Variants in ERC2 observed in about 807,000 individuals in gnomAD.
ERC2 encodes ELKS/RAB6-interacting/CAST family member 2.
A neutral mutation model predicts 114.8 loss-of-function variants in ERC2; 42 were observed. The observed-to-expected ratio is 0.37, with a 90% CI of 0.29 to 0.47. ERC2 has a LOEUF of 0.47. Among genes scored for constraint, ERC2 ranks in the 20% least tolerant of loss-of-function variants. The pLI, the probability that ERC2 is intolerant of heterozygous loss-of-function variation, is 0.99. For missense variants in ERC2, 939 were observed against 1,150.7 expected (o/e 0.82, Z 2.66); for synonymous variants, 454 against 425.5 (o/e 1.07, Z -0.82).
chr3:56,267,736 G>C (rs2053413189), intron 3 of ERC2, among the ~76,000 whole-genome samples: 1 of 152,034 alleles, frequency 6.6e-6, no homozygotes, highest in African/African-American at 2.4e-5. Context: ...CCGAGATCTT[G>C]CCACTGCACT....
chr3:55,900,665 G>A (rs2064083515), intron 13 of ERC2, among the ~76,000 whole-genome samples: 1 of 152,136 alleles, frequency 6.6e-6, no homozygotes, highest in Admixed American at 6.6e-5. Context: ...TGAACAATAG[G>A]GAGTGGCTTC....
intron 5 of ERC2, among the ~76,000 whole-genome samples, chr3:56,146,196 A>T (rs933918622): frequency 2.0e-5 from 3 of 152,088 alleles, no homozygotes; most frequent in African/African-American, 7.2e-5. Flanking sequence ...GCTGGGTGGG[A>T]GAATTGGTTG....
chr3:56,150,227 G>C (rs2081347912), intron 4 of ERC2, among the ~76,000 whole-genome samples: 2 of 152,100 alleles, frequency 1.3e-5, no homozygotes, highest in African/African-American at 2.4e-5. Context: ...TAAAGACAAT[G>C]AATAGGCTAT....
chr3:56,378,632 T>A (rs527523195), intron 2 of ERC2, among the ~76,000 whole-genome samples: 2 of 151,846 alleles, frequency 1.3e-5, no homozygotes, highest in South Asian at 2.1e-4. Flanking sequence ...TGCTCTAGAT[T>A]TATACAGATA....
intron 2 of ERC2, among the ~76,000 whole-genome samples, chr3:56,403,827 T>C (rs1337592642): frequency 6.6e-6 from 1 of 152,216 alleles, no homozygotes; most frequent in African/African-American, 2.4e-5. Flanking sequence ...TTCTTCACTG[T>C]TCTCTATCAT....
intron 3 of ERC2, among the ~76,000 whole-genome samples, chr3:56,266,756 C>A (rs1025364410): frequency 4.6e-5 from 7 of 152,134 alleles, no homozygotes; most frequent in African/African-American, 1.7e-4. Flanking sequence ...AGCAAACAAA[C>A]AAGAGGTAAC....
chr3:56,342,302 C>CA (rs1423316157), intron 2 of ERC2, among the ~76,000 whole-genome samples: 1 of 152,198 alleles, frequency 6.6e-6, no homozygotes, highest in Non-Finnish European at 1.5e-5. Context: ...ATACTGTGAT[C>CA]ACAAAAACAC....
At chr3:55,859,163 T>C (rs1053202231) in intron 14 of ERC2, among the ~76,000 whole-genome samples, 1 of 152,188 alleles carries the variant, frequency 6.6e-6, no homozygotes, top group African/African-American at 2.4e-5. Context: ...TGGAGAGACA[T>C]ACAGCTCTTT....
intron 1 of ERC2, among the ~76,000 whole-genome samples, chr3:56,436,867 A>T (rs1262848302): frequency 6.6e-6 from 1 of 152,234 alleles, no homozygotes; most frequent in African/African-American, 2.4e-5. Flanking sequence ...CCACAGCTAA[A>T]CTTCAAAGAG....
chr3:56,352,242 G>A (rs1355675655), intron 2 of ERC2, among the ~76,000 whole-genome samples: 1 of 152,164 alleles, frequency 6.6e-6, no homozygotes, highest in African/African-American at 2.4e-5. Context: ...GTATTATCTA[G>A]GCTAGAAATA....
chr3:55,632,723 A>C (rs1184894782), intron 17 of ERC2, among the ~76,000 whole-genome samples: 1 of 152,220 alleles, frequency 6.6e-6, no homozygotes. Flanking sequence ...AGCTGGTAGG[A>C]TTCTTGGGGA....
At chr3:55,514,434 C>A (rs1048858311) in intron 17 of ERC2, among the ~76,000 whole-genome samples, 3 of 152,120 alleles carry the variant, frequency 2.0e-5, no homozygotes, top group African/African-American at 7.2e-5. Flanking sequence ...AGAGTAAGAC[C>A]TTGTCTAAAA....
intron 2 of ERC2, among the ~76,000 whole-genome samples, chr3:56,408,253 A>T (rs976723953): frequency 5.9e-5 from 9 of 152,168 alleles, no homozygotes; most frequent in African/African-American, 2.2e-4. Context: ...TTCTCTCAGC[A>T]CTTTACAAAG....
intron 17 of ERC2, among the ~76,000 whole-genome samples, chr3:55,573,556 G>C (rs2056830386): frequency 1.3e-5 from 2 of 152,144 alleles, no homozygotes; most frequent in Admixed American, 6.5e-5. Context: ...TCAAGGAAAG[G>C]CTGGGGTAGG....
At chr3:56,361,295 G>A (rs1328530887) in intron 2 of ERC2, among the ~76,000 whole-genome samples, 1 of 152,128 alleles carries the variant, frequency 6.6e-6, no homozygotes, top group African/African-American at 2.4e-5. Flanking sequence ...AGACAAGGAC[G>A]TCCAAGTCTG....
At chr3:56,062,161 T>C (rs1160499524) in intron 7 of ERC2, among the ~76,000 whole-genome samples, 1 of 152,224 alleles carries the variant, frequency 6.6e-6, no homozygotes, top group Non-Finnish European at 1.5e-5. Flanking sequence ...CTATACTGTT[T>C]CTTTTTTAAA....
Position 55,805,878 on chromosome 3 carries a change from G to A in ERC2, c.2565-70960C>T, listed in dbSNP as rs77630384. Among the ~76,000 whole-genome samples, 737 of 152,198 alleles carry A rather than the reference G, an allele frequency of 4.8e-3. 6 individuals carry two copies. The highest frequency in any genetic ancestry group is 0.017 in the African/African-American group (694 of 41,522). On this transcript the variant is annotated intron_variant, in intron 14 of 17. Transcript: ENST00000288221. The stretch of plus-strand genomic sequence containing the variant: ...AGAAACTGACCAAGGGCCTACTCAC[G>A]GCCACTTTTTGTCACCCACAGGTGG...
At chr3:55,555,856 G>A (rs72870436) in intron 17 of ERC2, among the ~76,000 whole-genome samples, 1 of 152,144 alleles carries the variant, frequency 6.6e-6, no homozygotes, top group Admixed American at 6.5e-5. Context: ...CGCGCTGCTC[G>A]CTCAGAAAAC....
chr3:56,086,492 CT>C (rs113369686), intron 6 of ERC2, among the ~76,000 whole-genome samples: 18,840 of 139,978 alleles, frequency 0.13, 1,247 homozygotes, highest in South Asian at 0.24. Context: ...TCAGGGTCTT[CT>C]TTTTTTTTTT....
Sources: gnomAD v4.1 joint callset for allele counts (sites outside exome capture counted in the v4.1 genomes callset) on GRCh38, gnomAD v4.1.1 for gene constraint, MANE v1.5 for transcripts, NCBI Gene and HGNC (gene_info 2026-07-23, HGNC 2026-07-21) for gene names.